Variants in COL5A3 observed in about 807,000 individuals in gnomAD.
The protein encoded by COL5A3 is collagen type V alpha 3 chain, also known as collagen alpha-3(V) chain.
COL5A3 carries 172 observed loss-of-function variants against 250.0 expected under a neutral mutation model. That is an observed-to-expected ratio of 0.69 (90% CI 0.61 to 0.78). The LOEUF (loss-of-function observed/expected upper bound fraction) is 0.78, where lower values mean the gene tolerates loss of function less well. COL5A3 is among the 30% of genes least tolerant of loss of function. The probability of loss-of-function intolerance (pLI) is 0.00; values close to 1 mark genes in which losing one functional copy is unlikely to be tolerated. For synonymous variants in COL5A3, 937 were observed against 900.4 expected (o/e 1.04, Z -0.73); for missense variants, 2,340 against 2,334.4 (o/e 1.00, Z -0.05).
chr19:9,967,470 C>A (rs1383718304), intron 61 of COL5A3, 70 bp from the exon 62 acceptor site: 3 of 873,060 alleles, frequency 3.4e-6, no homozygotes, highest in East Asian at 7.1e-5. Context: ...TACACACAAA[C>A]ACACACACAC....
intron 1 of COL5A3, among the ~76,000 whole-genome samples, chr19:10,006,893 T>C (rs2087451653): frequency 6.6e-6 from 1 of 151,956 alleles, no homozygotes; most frequent in Non-Finnish European, 1.5e-5. Flanking sequence ...TCCTTCTGAA[T>C]TTCCCCTTTG....
At chr19:9,963,911 G>A (rs890487064) in intron 64 of COL5A3, among the ~76,000 whole-genome samples, 1 of 151,394 alleles carries the variant, frequency 6.6e-6, no homozygotes, top group African/African-American at 2.4e-5. Flanking sequence ...GCTCAAACCT[G>A]TAATCTCAGC....
chr19:9,985,152 T>C (rs10407622), intron 31 of COL5A3, among the ~76,000 whole-genome samples: 8,300 of 151,756 alleles, frequency 0.055, 357 homozygotes, highest in African/African-American at 0.12. Context: ...GGTTTTACCA[T>C]GTTGGCCAGG....
intron 64 of COL5A3, among the ~76,000 whole-genome samples, chr19:9,963,150 G>A (rs865794354): frequency 1.3e-5 from 2 of 152,118 alleles, no homozygotes; most frequent in Non-Finnish European, 2.9e-5. Flanking sequence ...AGGTGCCTGT[G>A]CTACACAGTC....
At chr19:9,989,807 G>A (rs574336527) in intron 24 of COL5A3, among the ~76,000 whole-genome samples, 13 of 152,184 alleles carry the variant, frequency 8.5e-5, no homozygotes, top group African/African-American at 2.4e-4. Context: ...ATTATATGTC[G>A]CCCAGGTTGG....
Position 10,001,661 on chromosome 19 carries a change from C to A in COL5A3, c.973G>T (p.Asp325Tyr), listed in dbSNP as rs745516735. The change falls in exon 8 of 67, where the codon GAC becomes TAC. Residue 325 changes from aspartate to tyrosine, a missense_variant. By Grantham distance (160) the Asp-to-Tyr change is radical. This residue lies in a region of COL5A3 where 1,152 missense variants were observed against 1,146.3 expected (regional missense o/e 1.00). Transcript: ENST00000264828. ...LNATILERSL[D>Y]PDSGTELGTL... ...CCCAGCTCGGTTCCACTGTCAGGGT[C>A]CAAGCTCCTCTGAGAACGTTAGGAA... is the stretch of plus-strand genomic sequence containing the variant. 2 of 1,613,972 alleles carry A rather than the reference C, an allele frequency of 1.2e-6. No homozygotes were observed. Among genetic ancestry groups the A allele is most frequent in the Admixed American group, 3.3e-5 (2 of 59,978 alleles).
chr19:9,994,644 G>A (rs1161588646), intron 16 of COL5A3, among the ~76,000 whole-genome samples: 11 of 136,636 alleles, frequency 8.1e-5, no homozygotes, highest in Non-Finnish European at 9.3e-5. Flanking sequence ...TACATTCTGA[G>A]AAATGCATCA....
At chr19:9,990,719 C>T (rs946568258) in intron 24 of COL5A3, among the ~76,000 whole-genome samples, 6 of 152,056 alleles carry the variant, frequency 3.9e-5, no homozygotes, top group East Asian at 1.9e-4. Flanking sequence ...CGCGCCACCA[C>T]GCCCGGCTAA....
chr19:9,996,880 A>C (rs2087281449), intron 11 of COL5A3, 191 bp from the exon 12 acceptor site: 4 of 578,560 alleles, frequency 6.9e-6, no homozygotes, highest in Non-Finnish European at 9.0e-6. Context: ...AAAGACAGAG[A>C]TGGAACAGAG....
chr19:9,977,552 ACCCTGAGGAGG>A (rs1474898333), intron 42 of COL5A3, 31 bp downstream of exon 42: 10 of 1,528,904 alleles, frequency 6.5e-6, no homozygotes, highest in Non-Finnish European at 7.9e-6. Context: ...GCAGGGCCAG[ACCCTGAGGAGG>A]CCCTAGGAAT....
At position 9,995,185 on chromosome 19, in the gene COL5A3, G is replaced by C. The variant is rs144898528; in HGVS notation, c.1587+379C>G. On this transcript the variant is annotated intron_variant, in intron 16 of 66. Transcript: ENST00000264828. ...GGCCTCCCTAAGTGCTGGTATTATA[G>C]GCATGAGCCACTGCGCGCAGCCAAT... Among the ~76,000 whole-genome samples the C allele has an allele frequency of 3.3e-5, 5 of 152,308 alleles. No homozygotes were observed. The East Asian group carries it at 9.6e-4, about 29-fold the overall frequency.
chr19:9,968,387 G>A lies in COL5A3; in HGVS notation c.4312C>T (p.Pro1438Ser), dbSNP rs2086783687. 1.9e-6 allele frequency: 3 copies of A among 1,595,430 alleles called. No individual in the cohort carries two copies. Among genetic ancestry groups the A allele is most frequent in the Non-Finnish European group, 2.6e-6 (3 of 1,173,728 alleles). Reference protein sequence around the residue: ...VQGPPGPKGDPGPPGPIGSLG... With the variant: ...VQGPPGPKGDSGPPGPIGSLG... ...CCCGCTCAGGTCAGGACACTCACAG[G>A]GTCTCCCTTGGGACCAGGGGGTCCC... The change falls in exon 59 of 67, where the codon CCT becomes TCT. Residue 1438 changes from proline to serine, a missense_variant and splice_region_variant. Around this residue, in one of 3 missense-constraint regions of COL5A3, gnomAD observed 1,179 missense variants for 1,162.6 expected, o/e 1.01. Transcript: ENST00000264828. This position sits in a 1 kb window ranked among gnomAD's most constrained non-coding sequence, Gnocchi z 4.1.
chr19:9,960,950 C>T (rs1489106979), intron 65 of COL5A3, 60 bp from the exon 66 acceptor site: 1 of 1,581,542 alleles, frequency 6.3e-7, no homozygotes, highest in Non-Finnish European at 8.6e-7. Flanking sequence ...TCTGCAGAAG[C>T]CACCCCCTGG....
In COL5A3 at chr19:10,010,440, G is replaced by C; in HGVS notation, c.-55C>G. 1 of 1,220,570 alleles carries C rather than the reference G, an allele frequency of 8.2e-7. No individual in the cohort carries two copies. The highest frequency in any genetic ancestry group is 1.1e-6 in the Non-Finnish European group (1 of 939,472). The allele number at this position is 1,220,570 out of a possible 1,614,324, so 75.6% of individuals were successfully genotyped here. A position where few individuals can be genotyped will look rare whatever the true frequency, so the allele number is the denominator to read the frequency against. On this transcript the variant is annotated 5_prime_UTR_variant, in exon 1 of 67. Coordinates refer to ENST00000264828, the MANE Select transcript of COL5A3 (RefSeq NM_015719.4). Reference sequence around the variant, plus strand: ...ACCAGTCGGGGCGGCTGCGGGGCGCGGCGACTTCTCGGGCTCGGTGCAGTC... The same window carrying C: ...ACCAGTCGGGGCGGCTGCGGGGCGCCGCGACTTCTCGGGCTCGGTGCAGTC...
chr19:9,970,075 T>TG lies in COL5A3; in HGVS notation c.3937-154dup, dbSNP rs1568406985. The stretch of plus-strand genomic sequence containing the variant: ...ATGAGGTCTGGGTGAGTGGGGGCTG[T>TG]GGGTGAGTGGGGGCTGTGGCTGAGT... On this transcript the variant is annotated intron_variant, in intron 54 of 66. Coordinates refer to ENST00000264828, the MANE Select transcript of COL5A3 (RefSeq NM_015719.4). Among the ~76,000 whole-genome samples, 7 of 32,274 alleles carry TG rather than the reference T, an allele frequency of 2.2e-4. 1 individual carries two copies. The highest frequency in any genetic ancestry group is 9.6e-4 in the African/African-American group (5 of 5,210). 21.2% of individuals were successfully genotyped at this position (32,274 alleles called of 152,430 possible). A position where few individuals can be genotyped will look rare whatever the true frequency, so the allele number is the denominator to read the frequency against.
chr19:9,962,273 A>T (rs1240771971), intron 65 of COL5A3, among the ~76,000 whole-genome samples: 1 of 151,908 alleles, frequency 6.6e-6, no homozygotes, highest in African/African-American at 2.4e-5. Flanking sequence ...TGTCTGGCTA[A>T]TTTTTTGTAT....
chr19:9,988,526 C>T (rs374926068), intron 27 of COL5A3, among the ~76,000 whole-genome samples: 10 of 151,966 alleles, frequency 6.6e-5, no homozygotes, highest in Non-Finnish European at 1.0e-4. Flanking sequence ...TGATTCTGAG[C>T]TTGGGTTAGA....
intron 27 of COL5A3, 75 bp from the exon 28 acceptor site, chr19:9,986,833 A>G: frequency 1.3e-6 from 2 of 1,539,138 alleles, no homozygotes; most frequent in Non-Finnish European, 1.8e-6. Flanking sequence ...CCCCTGCTCT[A>G]AAGCAGCCAG....
chr19:9,967,320 C>T, intron 62 of COL5A3, 27 bp downstream of exon 62: 1 of 1,405,416 alleles, frequency 7.1e-7, no homozygotes. Flanking sequence ...TTTTGGTGTC[C>T]ATTCCCCCGC....
Sources: allele counts gnomAD v4.1 joint callset (sites outside exome capture counted in the v4.1 genomes callset), GRCh38; gene constraint gnomAD v4.1.1; regional missense constraint gnomAD v4.1.1; non-coding constraint Gnocchi (gnomAD v3.1); transcripts MANE v1.5; gene names NCBI Gene and HGNC (gene_info 2026-07-23, HGNC 2026-07-21).